The following LOXHD1 variants were observed in gnomAD, a reference collection of about 807,000 sequenced individuals.
LOXHD1 encodes lipoxygenase homology PLAT domains 1, also known as lipoxygenase homology domain-containing protein 1.
In LOXHD1, 205 loss-of-function variants were observed where a neutral mutation model predicts 248.2. That is an observed-to-expected ratio of 0.83 (90% confidence interval 0.74 to 0.93). The LOEUF (loss-of-function observed/expected upper bound fraction) is 0.93. LOXHD1 is among the 40% of genes least tolerant of loss of function. The probability of loss-of-function intolerance (pLI) is 0.00; values close to 1 mark genes in which losing one functional copy is unlikely to be tolerated. For missense variants in LOXHD1, 2,930 were observed against 2,971.6 expected (o/e 0.99, Z 0.33); for synonymous variants, 1,113 against 1,162.8 (o/e 0.96, Z 0.87).
Position 46,579,776 on chromosome 18 carries a change from A to G in LOXHD1, c.1663T>C (p.Tyr555His), listed in dbSNP as rs1164778340. ...TCACCTGTGCACACAGTCACATGGT[A>G]CCGGGCCACTGGCAGGCAGAGAGAG... ...TVRRIMGMAR[Y>H]HVTVCTGELE... is the part of the protein sequence containing the mutation. Residue 555 changes from tyrosine to histidine, a missense_variant, in exon 13 of 41, where the codon TAC becomes CAC. Physicochemically the swap from Tyr to His is moderately conservative, Grantham distance 83. Transcript: ENST00000642948. The G allele has an allele frequency of 6.4e-7, 1 of 1,551,386 alleles. No homozygotes were observed. Among genetic ancestry groups the G allele is most frequent in the Non-Finnish European group, 8.7e-7 (1 of 1,146,654 alleles).
At chr18:46,620,246 G>A (rs2038649222) in intron 4 of LOXHD1, among the ~76,000 whole-genome samples, 2 of 152,168 alleles carry the variant, frequency 1.3e-5, no homozygotes, top group Admixed American at 1.3e-4. Context: ...CATTCATTTT[G>A]GCTCACAACC....
intron 12 of LOXHD1, among the ~76,000 whole-genome samples, chr18:46,586,505 G>C (rs955819952): frequency 6.6e-6 from 1 of 152,202 alleles, no homozygotes; most frequent in African/African-American, 2.4e-5. Flanking sequence ...GAGTGCAATG[G>C]CGCGATCTCC....
At chr18:46,505,185 TC>T (rs1255254765) in intron 37 of LOXHD1, among the ~76,000 whole-genome samples, 1 of 151,104 alleles carries the variant, frequency 6.6e-6, no homozygotes, top group South Asian at 2.1e-4. Context: ...CATAATCCCT[TC>T]TTTTTTTTTT....
Position 46,639,666 on chromosome 18 carries a change from TG to T in LOXHD1, c.460del (p.Gln154SerfsTer30). ...GCTGGCCAGCAGGTCACGGCACCAC[TG>T]GCGGTCACCTTCCACCTTGCTCAGC... ...NWLSKVEGDR[Q>X]WCRDLLASFN... On this transcript the variant is annotated frameshift_variant, in exon 4 of 41. Transcript: ENST00000642948. LOFTEE classifies it high-confidence loss of function. 6.4e-7 allele frequency: 1 copy of T among 1,551,750 alleles called. No individual in the cohort carries two copies. Among genetic ancestry groups the T allele is most frequent in the Non-Finnish European group, 8.7e-7 (1 of 1,147,002 alleles).
At chr18:46,479,879 C>A (rs544670495) in intron 40 of LOXHD1, among the ~76,000 whole-genome samples, 43 of 152,154 alleles carry the variant, frequency 2.8e-4, no homozygotes, top group Admixed American at 6.5e-4. Context: ...CATCATCCTC[C>A]CATTTCATAG....
chr18:46,558,124 T>C, intron 20 of LOXHD1: 1 of 943,346 alleles, frequency 1.1e-6, no homozygotes, highest in Non-Finnish European at 1.3e-6. Flanking sequence ...ATTTTAAATC[T>C]ACAGAAAACT....
intron 17 of LOXHD1, among the ~76,000 whole-genome samples, chr18:46,564,325 A>G (rs1012871486): frequency 2.0e-5 from 3 of 152,156 alleles, no homozygotes; most frequent in African/African-American, 7.2e-5. Flanking sequence ...GGAGTTCAAG[A>G]TCAGCCTGGG....
chr18:46,613,918 T>C (rs1035560111), intron 5 of LOXHD1, among the ~76,000 whole-genome samples: 2 of 152,240 alleles, frequency 1.3e-5, no homozygotes, highest in African/African-American at 2.4e-5. Flanking sequence ...TATTTATTTA[T>C]CAATTTGGTG....
At chr18:46,503,808 A>G (rs2034389335) in intron 37 of LOXHD1, among the ~76,000 whole-genome samples, 1 of 152,132 alleles carries the variant, frequency 6.6e-6, no homozygotes, top group African/African-American at 2.4e-5. Flanking sequence ...TGGGGGGTGT[A>G]GCAAACAGAG....
chr18:46,530,834 T>G (rs1313947723), intron 28 of LOXHD1, among the ~76,000 whole-genome samples: 1 of 152,012 alleles, frequency 6.6e-6, no homozygotes, highest in Non-Finnish European at 1.5e-5. Flanking sequence ...AGCTTTATGG[T>G]TTCCTAATCT....
intron 4 of LOXHD1, among the ~76,000 whole-genome samples, chr18:46,631,116 C>T (rs955587739): frequency 2.0e-5 from 3 of 152,134 alleles, no homozygotes; most frequent in African/African-American, 7.2e-5. Flanking sequence ...ATACAAGCCC[C>T]TAAGTCCCAG....
chr18:46,576,752 C>T (rs1417216137), intron 14 of LOXHD1, among the ~76,000 whole-genome samples: 2 of 152,202 alleles, frequency 1.3e-5, no homozygotes, highest in South Asian at 2.1e-4. Flanking sequence ...CTCCCAGTGG[C>T]CCTCCGTGGC....
At chr18:46,594,061 G>A (rs1374541799) in intron 9 of LOXHD1, among the ~76,000 whole-genome samples, 2 of 152,186 alleles carry the variant, frequency 1.3e-5, no homozygotes. Context: ...TGTAGTGAAC[G>A]ATTCAGGTTA....
intron 15 of LOXHD1, 22 bp downstream of exon 15, chr18:46,572,064 C>T (rs762827180): frequency 2.2e-5 from 34 of 1,549,834 alleles, no homozygotes; most frequent in Admixed American, 7.8e-5. Context: ...ACACCCAGCA[C>T]CTGGTCATCA....
At position 46,656,893 on chromosome 18, in the gene LOXHD1, G is replaced by A. The variant is rs2039189822; in HGVS notation, c.130+11C>T. On this transcript the variant is annotated intron_variant, in intron 1 of 40. Transcript: ENST00000642948. ...TGCACCACCCGCCCCCCGCAGGCTG[G>A]GACCCCGCACCTCTGGCCTTGTAGT... 6.4e-7 allele frequency: 1 copy of A among 1,551,062 alleles called. No individual in the cohort carries two copies. Among genetic ancestry groups the A allele is most frequent in the African/African-American group, 1.4e-5 (1 of 73,146 alleles).
rs2034659349 is a variant in LOXHD1, at chr18:46,507,622, A to C, written c.5608T>G (p.Cys1870Gly). ...SQRKGKKTLV[C>G]EMCAVIDEEE... ...TCATCGATAACGGCACACATTTCACACACCAGGGTCTTCTTGCCCTTCCGC... is the reference window on the plus strand; with the variant it reads ...TCATCGATAACGGCACACATTTCACCCACCAGGGTCTTCTTGCCCTTCCGC... The change falls in exon 36 of 41, where the codon TGT (cysteine) becomes GGT (glycine). Residue 1870 changes from cysteine (C) to glycine (G), a missense_variant. Physicochemically the swap from Cys to Gly is radical, Grantham distance 159 (BLOSUM62 -3). Coordinates refer to ENST00000642948, the MANE Select transcript of LOXHD1 (RefSeq NM_001384474.1). 1 of 1,551,714 alleles carries C rather than the reference A, an allele frequency of 6.4e-7. No homozygotes were observed.
At chr18:46,603,935 C>T (rs1025916953) in intron 7 of LOXHD1, among the ~76,000 whole-genome samples, 171 bp downstream of exon 7, 1 of 152,200 alleles carries the variant, frequency 6.6e-6, no homozygotes, top group African/African-American at 2.4e-5. Flanking sequence ...AACAACAGAG[C>T]CCCAGGCTGC....
rs1020754712 is a variant in LOXHD1, at chr18:46,550,401, G to C, written c.3351-3343C>G. 3.6e-4 allele frequency among the ~76,000 whole-genome samples: 55 copies of C among 151,254 alleles called. 1 individual carries two copies. The highest frequency in any genetic ancestry group is 1.3e-3 in the African/African-American group (53 of 41,292). ...ATCCTGGCTAACAAGGTGAAACCCCGTCTCTACTAAAAATACAAAAAATTA... is the reference window on the plus strand; with the variant it reads ...ATCCTGGCTAACAAGGTGAAACCCCCTCTCTACTAAAAATACAAAAAATTA... On this transcript the variant is annotated intron_variant, in intron 21 of 40. Transcript: ENST00000642948.
chr18:46,489,877 T>C (rs1363324301), intron 37 of LOXHD1, among the ~76,000 whole-genome samples: 1 of 152,264 alleles, frequency 6.6e-6, no homozygotes, highest in African/African-American at 2.4e-5. Context: ...AATTAATGTG[T>C]CATGACTTGG....
Sources: gnomAD v4.1 joint callset for allele counts (sites outside exome capture counted in the v4.1 genomes callset) on GRCh38, gnomAD v4.1.1 for gene constraint, MANE v1.5 for transcripts, NCBI Gene and HGNC (gene_info 2026-07-23, HGNC 2026-07-21) for gene names.